FBXL20: variants seen among roughly 807,000 people sequenced by gnomAD.
FBXL20 encodes F-box/LRR-repeat protein 20.
In FBXL20, 11 loss-of-function variants were observed where a neutral mutation model predicts 64.0. That is an observed-to-expected ratio of 0.17 (90% CI 0.11 to 0.28). The LOEUF (loss-of-function observed/expected upper bound fraction) is 0.28. Ranked by LOEUF, FBXL20 falls within the 10% of genes least tolerant of loss-of-function variation. The pLI, the probability that FBXL20 is intolerant of heterozygous loss-of-function variation, is 1.00. For missense variants in FBXL20, 303 were observed against 526.2 expected, an observed-to-expected ratio of 0.58 and a Z score of 4.15; for synonymous variants, 184 against 189.0, an observed-to-expected ratio of 0.97 and a Z score of 0.22.
At chr17:39,302,564 GGGGTTTCACTGTGTTAGCCAGGA>G (rs2047146847) in intron 3 of FBXL20, among the ~76,000 whole-genome samples, 1 of 152,090 alleles carries the variant, frequency 6.6e-6, no homozygotes, top group South Asian at 2.1e-4. Context: ...TAGTAGAGAT[GGGGTTTCACTGTGTTAGCCAGGA>G]GGGTCTCTAT....
At chr17:39,352,817 T>C (rs2047700412) in intron 1 of FBXL20, among the ~76,000 whole-genome samples, 1 of 152,174 alleles carries the variant, frequency 6.6e-6, no homozygotes, top group East Asian at 1.9e-4. Flanking sequence ...TTAAGCTTTA[T>C]AGATTATATA....
chr17:39,281,337 T>C lies in FBXL20; in HGVS notation c.696+52A>G, dbSNP rs2046948640. 6 of 1,548,222 alleles carry C rather than the reference T, an allele frequency of 3.9e-6. No homozygotes were observed. In the East Asian group the frequency reaches 6.7e-5, roughly 17 times the overall value. ...AAGCTCTTAAAATAGCTCTTAAAAA[T>C]TTTAATGAAATGAATTACTAAAACA... On this transcript the variant is annotated intron_variant, in intron 9 of 14. Coordinates refer to ENST00000264658, the MANE Select transcript of FBXL20 (RefSeq NM_032875.3).
intron 2 of FBXL20, among the ~76,000 whole-genome samples, chr17:39,303,895 A>T (rs1391395365): frequency 6.6e-6 from 1 of 152,158 alleles, no homozygotes; most frequent in African/African-American, 2.4e-5. Flanking sequence ...CATGTTGCCC[A>T]GGCTGGTCTC....
intron 1 of FBXL20, among the ~76,000 whole-genome samples, chr17:39,387,104 T>C (rs2048088639): frequency 6.6e-6 from 1 of 152,166 alleles, no homozygotes; most frequent in Non-Finnish European, 1.5e-5. Flanking sequence ...CGCACAACCA[T>C]TCTGGTTTTC....
At position 39,259,172 on chromosome 17, in the gene FBXL20, A is replaced by G. The variant is rs2046722565; in HGVS notation, c.*2288T>C. The G allele has an allele frequency of 1.3e-5, 2 of 152,146 alleles. No individual in the cohort carries two copies. Among genetic ancestry groups the G allele is most frequent in the African/African-American group, 4.8e-5 (2 of 41,430 alleles). 9.4% of individuals were successfully genotyped at this position (152,146 alleles called of 1,614,324 possible). A position where few individuals can be genotyped will look rare whatever the true frequency, so the allele number is the denominator to read the frequency against. The stretch of plus-strand genomic sequence containing the variant: ...TAATCAGCAACTGCAGCATTAAAAC[A>G]AACCTCTTAAGCTGGGTACAGTGGC... On this transcript the variant is annotated 3_prime_UTR_variant, in exon 15 of 15. Transcript: ENST00000264658.
chr17:39,346,971 C>T (rs534353573), intron 1 of FBXL20, among the ~76,000 whole-genome samples: 125 of 151,756 alleles, frequency 8.2e-4, no homozygotes, highest in African/African-American at 2.9e-3. Flanking sequence ...CAAGTTTGCT[C>T]GGAATGATGG....
At chr17:39,287,392 C>T (rs758391516) in intron 6 of FBXL20, among the ~76,000 whole-genome samples, 1 of 151,936 alleles carries the variant, frequency 6.6e-6, no homozygotes, top group Non-Finnish European at 1.5e-5. Context: ...TTTGTGTGGG[C>T]CAATGTTTTC....
chr17:39,377,999 A>G (rs1412378872), intron 1 of FBXL20, among the ~76,000 whole-genome samples: 1 of 152,112 alleles, frequency 6.6e-6, no homozygotes, highest in Non-Finnish European at 1.5e-5. Flanking sequence ...GCGACAGAGC[A>G]AGACCCTATC....
chr17:39,296,461 G>A (rs1383733356), intron 6 of FBXL20, among the ~76,000 whole-genome samples: 1 of 150,412 alleles, frequency 6.6e-6, no homozygotes, highest in Admixed American at 6.7e-5. Context: ...TCGGGAGGCT[G>A]AGGCAGGAGA....
intron 2 of FBXL20, among the ~76,000 whole-genome samples, chr17:39,315,825 G>C (rs1397720045): frequency 8.8e-6 from 1 of 114,250 alleles, no homozygotes; most frequent in East Asian, 2.4e-4. Flanking sequence ...GTGAGAGAGA[G>C]AGACAGAGAG....
intron 2 of FBXL20, among the ~76,000 whole-genome samples, chr17:39,337,738 G>T (rs1051759186): frequency 6.6e-6 from 1 of 151,616 alleles, no homozygotes; most frequent in Non-Finnish European, 1.5e-5. Context: ...AGGGAGGAGC[G>T]TCTCCGACGG....
At chr17:39,322,475 T>C (rs2047366075) in intron 2 of FBXL20, among the ~76,000 whole-genome samples, 1 of 152,126 alleles carries the variant, frequency 6.6e-6, no homozygotes, top group Non-Finnish European at 1.5e-5. Flanking sequence ...TGTGAACATA[T>C]AAATTTTTAA....
chr17:39,323,014 G>A, intron 2 of FBXL20, among the ~76,000 whole-genome samples: 1 of 149,270 alleles, frequency 6.7e-6, no homozygotes, highest in East Asian at 2.0e-4. Context: ...TCTGTCGCCA[G>A]GCTGGAGTGC....
intron 1 of FBXL20, among the ~76,000 whole-genome samples, chr17:39,382,641 T>C (rs924113029): frequency 6.6e-6 from 1 of 151,992 alleles, no homozygotes; most frequent in African/African-American, 2.4e-5. Context: ...TAGACCAATC[T>C]GGGCAAGATA....
At chr17:39,342,649 A>G (rs1186543799) in intron 2 of FBXL20, among the ~76,000 whole-genome samples, 3 of 152,108 alleles carry the variant, frequency 2.0e-5, no homozygotes. Context: ...CCCAGGAGGC[A>G]GAGCTTGCAG....
intron 2 of FBXL20, among the ~76,000 whole-genome samples, chr17:39,316,796 T>C (rs2047296780): frequency 6.6e-6 from 1 of 152,236 alleles, no homozygotes; most frequent in Non-Finnish European, 1.5e-5. Flanking sequence ...GAGACCAGCC[T>C]GGCCAACATG....
intron 1 of FBXL20, among the ~76,000 whole-genome samples, chr17:39,362,260 T>G (rs1487878649): frequency 2.6e-5 from 4 of 151,274 alleles, no homozygotes; most frequent in Non-Finnish European, 5.9e-5. Flanking sequence ...CCCACTGCAT[T>G]GCAGCCTGGG....
intron 1 of FBXL20, among the ~76,000 whole-genome samples, chr17:39,372,150 T>C (rs558674745): frequency 6.6e-6 from 1 of 152,156 alleles, no homozygotes; most frequent in Non-Finnish European, 1.5e-5. Flanking sequence ...TGCCTCATAA[T>C]TTCAAATAGA....
At chr17:39,402,203 G>A, upstream of FBXL20, 2 of 1,232,316 alleles carry the variant, frequency 1.6e-6, no homozygotes, top group Non-Finnish European at 2.0e-6. Context: ...GCAGCAGGCG[G>A]TCCCTGCTCG....
Sources: gnomAD v4.1 joint callset for allele counts (sites outside exome capture counted in the v4.1 genomes callset) on GRCh38, gnomAD v4.1.1 for gene constraint, MANE v1.5 for transcripts, NCBI Gene and HGNC (gene_info 2026-07-23, HGNC 2026-07-21) for gene names.